The following MGST1 variants were observed in gnomAD, a reference collection of about 807,000 sequenced individuals.
MGST1 encodes microsomal glutathione S-transferase 1, also known as glutathione S-transferase 12.
Under a neutral mutation model 8.9 loss-of-function variants are expected in MGST1, and 5 were observed. The ratio of observed to expected loss-of-function variants is 0.56; its 90% CI spans 0.29 to 1.19. The LOEUF is 1.19. Ranked by LOEUF, MGST1 falls within the 50% of genes most tolerant of loss-of-function variation. The pLI is 0.08. For synonymous variants in MGST1, 54 were observed against 67.8 expected (o/e 0.80, Z 1.00); for missense variants, 182 against 187.4 (o/e 0.97, Z 0.17).
At chr12:16,460,681 C>T (rs1263718491) in intron 4 of MGST1, among the ~76,000 whole-genome samples, 1 of 149,846 alleles carries the variant, frequency 6.7e-6, no homozygotes, top group Admixed American at 6.7e-5. Context: ...AACTCATTCT[C>T]TACGCTCCAT....
intron 1 of MGST1, among the ~76,000 whole-genome samples, chr12:16,411,391 A>G (rs1282369897): frequency 6.6e-6 from 1 of 152,226 alleles, no homozygotes; most frequent in East Asian, 1.9e-4. Context: ...GAGTTACCAT[A>G]TGATACACTT....
intron 4 of MGST1, among the ~76,000 whole-genome samples, chr12:16,541,380 G>C (rs1001491801): frequency 3.3e-5 from 5 of 152,148 alleles, no homozygotes; most frequent in Admixed American, 6.5e-5. Flanking sequence ...TCCTCAAGGT[G>C]AAATACCCTT....
chr12:16,386,510 C>G (rs1323698397), intron 1 of MGST1, among the ~76,000 whole-genome samples: 1 of 152,194 alleles, frequency 6.6e-6, no homozygotes, highest in Non-Finnish European at 1.5e-5. Flanking sequence ...ACTTTTCCTG[C>G]CTCCCAGCCT....
chr12:16,373,419 A>G (rs1396044126), intron 3 of MGST1, among the ~76,000 whole-genome samples: 1 of 152,064 alleles, frequency 6.6e-6, no homozygotes, highest in Non-Finnish European at 1.5e-5. Context: ...GAGTGTTCCT[A>G]ACACAAAGAA....
At chr12:16,434,655 C>T (rs1269954696) in intron 1 of MGST1, among the ~76,000 whole-genome samples, 1 of 151,962 alleles carries the variant, frequency 6.6e-6, no homozygotes, top group African/African-American at 2.4e-5. Context: ...TCTACCTGCA[C>T]TTTTTTCTTT....
chr12:16,589,800 T>G (rs963925545), downstream of MGST1, among the ~76,000 whole-genome samples: 3 of 152,070 alleles, frequency 2.0e-5, no homozygotes, highest in African/African-American at 7.2e-5. This position sits in a 1 kb window ranked among gnomAD's most constrained non-coding sequence, Gnocchi z 4.2. Flanking sequence ...AAGAAAAGCA[T>G]CTGCCAGGAA....
intron 4 of MGST1, among the ~76,000 whole-genome samples, chr12:16,474,475 C>T (rs915759172): frequency 3.3e-5 from 5 of 152,110 alleles, no homozygotes; most frequent in African/African-American, 4.8e-5. Context: ...ATATCAATAC[C>T]AAAGCAGACT....
In MGST1 at chr12:16,458,324, T is replaced by G. The variant is rs1013026519; in HGVS notation, n.482+74720T>G. On this transcript the variant is annotated intron_variant and non_coding_transcript_variant, in intron 4 of 4. Transcript: ENST00000538857. The surrounding 1 kb of genome is among the most constrained non-coding windows in gnomAD (Gnocchi z 4.0). The stretch of plus-strand genomic sequence containing the variant: ...GATTGCTTATGCTGATCGCAATGAT[T>G]TGAAGTTGTGATTACCATAAGCAAT... 6.6e-6 allele frequency among the ~76,000 whole-genome samples: 1 copy of G among 152,032 alleles called. No homozygotes were observed. Among genetic ancestry groups the G allele is most frequent in the African/African-American group, 2.4e-5 (1 of 41,424 alleles).
At chr12:16,462,852 T>A (rs1313430820) in intron 4 of MGST1, among the ~76,000 whole-genome samples, 1 of 152,188 alleles carries the variant, frequency 6.6e-6, no homozygotes, top group East Asian at 1.9e-4. Context: ...GGTTTGGCGT[T>A]GTTTCTACAA....
intron 4 of MGST1, among the ~76,000 whole-genome samples, chr12:16,480,394 A>G (rs557331731): frequency 3.0e-4 from 46 of 151,870 alleles, no homozygotes; most frequent in African/African-American, 9.7e-4. Flanking sequence ...GCCCATCTCA[A>G]TCTCCCAAAG....
chr12:16,490,445 A>G (rs1941431245), intron 4 of MGST1, among the ~76,000 whole-genome samples: 1 of 152,226 alleles, frequency 6.6e-6, no homozygotes, highest in Non-Finnish European at 1.5e-5. Flanking sequence ...ATGAACAAGA[A>G]ATAAACATTT....
intron 1 of MGST1, among the ~76,000 whole-genome samples, chr12:16,406,393 C>T (rs1940698167): frequency 6.6e-6 from 1 of 152,146 alleles, no homozygotes; most frequent in Non-Finnish European, 1.5e-5. Flanking sequence ...TTACAAAACG[C>T]TGCTCAAGGA....
At chr12:16,568,150 T>C (rs1942685414) in intron 4 of MGST1, among the ~76,000 whole-genome samples, 1 of 152,198 alleles carries the variant, frequency 6.6e-6, no homozygotes, top group African/African-American at 2.4e-5. Flanking sequence ...CTGGGTATTG[T>C]ATGTTAATGG....
At position 16,389,383 on chromosome 12, in the gene MGST1, A is replaced by G. The variant is rs1465864688; in HGVS notation, n.778+5779A>G. On this transcript the variant is annotated intron_variant and non_coding_transcript_variant, in intron 1 of 1. Transcript: ENST00000359720. The surrounding 1 kb of genome is among the most constrained non-coding windows in gnomAD (Gnocchi z 4.6). ...AAGTGTCCTGTTTTGCTTATAGAAG[A>G]CCATTTAAACCAGACTGTAGTTGAA... 6.6e-6 allele frequency among the ~76,000 whole-genome samples: 1 copy of G among 152,208 alleles called. No individual in the cohort carries two copies. Among genetic ancestry groups the G allele is most frequent in the Admixed American group, 6.5e-5 (1 of 15,280 alleles).
intron 4 of MGST1, among the ~76,000 whole-genome samples, chr12:16,455,038 G>A (rs1941162224): frequency 6.6e-6 from 1 of 151,714 alleles, no homozygotes; most frequent in Non-Finnish European, 1.5e-5. Flanking sequence ...TGTATCATTA[G>A]TACCTAATCT....
downstream of MGST1, among the ~76,000 whole-genome samples, chr12:16,439,797 T>A (rs192013245): frequency 1.3e-3 from 194 of 151,934 alleles, 1 homozygote; most frequent in African/African-American, 4.5e-3. Flanking sequence ...AAATCAACAA[T>A]TAGAAACCTT....
At position 16,544,643 on chromosome 12, in the gene MGST1, C is replaced by T. The variant is rs2137216935; in HGVS notation, n.483-44885C>T. The stretch of plus-strand genomic sequence containing the variant: ...GCCAAATATCTAACAGGAAATTTGA[C>T]TACATAGGTTCAAGTCCTTATTTCT... On this transcript the variant is annotated intron_variant and non_coding_transcript_variant, in intron 4 of 4. Transcript: ENST00000538857. This position sits in a 1 kb window ranked among gnomAD's most constrained non-coding sequence, Gnocchi z 4.8. 6.6e-6 allele frequency among the ~76,000 whole-genome samples: 1 copy of T among 152,124 alleles called. No individual in the cohort carries two copies. Among genetic ancestry groups the T allele is most frequent in the African/African-American group, 2.4e-5 (1 of 41,540 alleles).
chr12:16,586,890 C>T lies in MGST1; in HGVS notation n.483-2638C>T, dbSNP rs969837369. ...AAAATGGTAAAATTAGACAATACGTCTCATCTAAATTCATGGAATTCTCCC... is the reference window on the plus strand; with the variant it reads ...AAAATGGTAAAATTAGACAATACGTTTCATCTAAATTCATGGAATTCTCCC... On this transcript the variant is annotated intron_variant and non_coding_transcript_variant, in intron 4 of 4. Coordinates refer to the MGST1 transcript ENST00000538857. The surrounding 1 kb of genome is among the most constrained non-coding windows in gnomAD (Gnocchi z 4.3). 3.3e-5 allele frequency among the ~76,000 whole-genome samples: 5 copies of T among 152,138 alleles called. No individual in the cohort carries two copies. The highest frequency in any genetic ancestry group is 5.9e-5 in the Non-Finnish European group (4 of 68,026).
chr12:16,419,918 C>G (rs541246361), intron 1 of MGST1, among the ~76,000 whole-genome samples: 5 of 152,200 alleles, frequency 3.3e-5, no homozygotes, highest in Non-Finnish European at 4.4e-5. Context: ...AGTGAACAGA[C>G]TACTTGAATC....
Sources: gnomAD v4.1 joint callset for allele counts (sites outside exome capture counted in the v4.1 genomes callset) on GRCh38, gnomAD v4.1.1 for gene constraint, Gnocchi (gnomAD v3.1) non-coding constraint, MANE v1.5 for transcripts, NCBI Gene and HGNC (gene_info 2026-07-23, HGNC 2026-07-21) for gene names.